DOK5: variants seen among roughly 807,000 people sequenced by gnomAD.
The protein encoded by DOK5 is docking protein 5.
A neutral mutation model predicts 43.3 loss-of-function variants in DOK5; 27 were observed. The ratio of observed to expected loss-of-function variants is 0.62; its 90% CI spans 0.46 to 0.86. The LOEUF (loss-of-function observed/expected upper bound fraction) is 0.86, where lower values mean the gene tolerates loss of function less well. Ranked by LOEUF, DOK5 falls within the 40% of genes least tolerant of loss-of-function variation. The pLI is 0.00. For missense variants in DOK5, 373 were observed against 392.9 expected (o/e 0.95, Z 0.43); for synonymous variants, 146 against 140.1 (o/e 1.04, Z -0.30).
At chr20:54,491,564 TATGAGCAGACC>T (rs1023644464) in intron 1 of DOK5, among the ~76,000 whole-genome samples, 3 of 152,158 alleles carry the variant, frequency 2.0e-5, no homozygotes, top group African/African-American at 4.8e-5. Flanking sequence ...GGCCATCTGC[TATGAGCAGACC>T]ATGTCACTGA....
intron 6 of DOK5, among the ~76,000 whole-genome samples, chr20:54,633,123 C>T (rs1272662106): frequency 1.3e-5 from 2 of 152,122 alleles, no homozygotes; most frequent in African/African-American, 4.8e-5. Flanking sequence ...GCCTGGGCTC[C>T]ACCCTTGGAA....
chr20:54,635,631 T>G (rs1325579878), intron 6 of DOK5, among the ~76,000 whole-genome samples: 1 of 152,228 alleles, frequency 6.6e-6, no homozygotes, highest in East Asian at 1.9e-4. Context: ...TCATCTTATA[T>G]GTATTGATTG....
chr20:54,498,634 T>C (rs1160546738), intron 1 of DOK5, among the ~76,000 whole-genome samples: 1 of 152,224 alleles, frequency 6.6e-6, no homozygotes, highest in African/African-American at 2.4e-5. Flanking sequence ...CAAGTGTTGG[T>C]GTTTGCTGTT....
rs528325125 is a variant in DOK5 at position 54,607,061 on chromosome 20, T to G, written c.600-3327T>G. Among the ~76,000 whole-genome samples, 6 of 152,372 alleles carry G rather than the reference T, an allele frequency of 3.9e-5. No individual in the cohort carries two copies. The South Asian group carries it at 1.2e-3, about 32-fold the overall frequency. The stretch of plus-strand genomic sequence containing the variant: ...ACTTCACATAAAAGTCAAGAAGTCT[T>G]GCTTCTCTTAAACATAATAGAATGC... On this transcript the variant is annotated intron_variant, in intron 5 of 7. Transcript: ENST00000262593.
intron 1 of DOK5, among the ~76,000 whole-genome samples, chr20:54,528,493 C>T (rs545382785): frequency 4.6e-5 from 7 of 151,694 alleles, no homozygotes; most frequent in Admixed American, 1.3e-4. Flanking sequence ...TGAAGCTCCA[C>T]GCATCATGTA....
chr20:54,537,831 C>CTTTTTTTTTT (rs927019328), intron 1 of DOK5, among the ~76,000 whole-genome samples: 1 of 89,536 alleles, frequency 1.1e-5, no homozygotes, highest in Non-Finnish European at 2.2e-5. Context: ...TGTACAAGTT[C>CTTTTTTTTTT]TTTTTTTTTT....
At chr20:54,485,671 T>A (rs898996969) in intron 1 of DOK5, among the ~76,000 whole-genome samples, 1 of 152,236 alleles carries the variant, frequency 6.6e-6, no homozygotes, top group Admixed American at 6.5e-5. Flanking sequence ...TCTAGGCAAA[T>A]GTCCAGGAGT....
chr20:54,594,851 C>T (rs1029434689), intron 5 of DOK5, among the ~76,000 whole-genome samples: 1 of 152,096 alleles, frequency 6.6e-6, no homozygotes, highest in Non-Finnish European at 1.5e-5. Flanking sequence ...CTGTACATAT[C>T]CTGCAAACGT....
chr20:54,545,696 T>C (rs1984318521), intron 1 of DOK5, among the ~76,000 whole-genome samples: 1 of 152,196 alleles, frequency 6.6e-6, no homozygotes. Flanking sequence ...GGAGAGATAA[T>C]ATGGAGTTCT....
At chr20:54,499,579 A>G (rs1188905738) in intron 1 of DOK5, among the ~76,000 whole-genome samples, 2 of 152,204 alleles carry the variant, frequency 1.3e-5, no homozygotes, top group Non-Finnish European at 2.9e-5. Flanking sequence ...ATAATAGTGG[A>G]ATTATTACTG....
At chr20:54,534,903 C>A (rs112674979) in intron 1 of DOK5, among the ~76,000 whole-genome samples, 2,471 of 151,650 alleles carry the variant, frequency 0.016, 63 homozygotes, top group African/African-American at 0.057. Flanking sequence ...GTGGCACGAT[C>A]TCGGCTCACT....
At chr20:54,507,605 C>T (rs149192520) in intron 1 of DOK5, among the ~76,000 whole-genome samples, 18 of 152,268 alleles carry the variant, frequency 1.2e-4, no homozygotes, top group African/African-American at 4.1e-4. Context: ...TCACATTGCA[C>T]AGTGCAGGTG....
At chr20:54,591,481 A>G (rs367770242) in intron 4 of DOK5, 135 bp from the exon 5 acceptor site, 3 of 595,376 alleles carry the variant, frequency 5.0e-6, no homozygotes, top group South Asian at 5.6e-5. Flanking sequence ...TTAATAGGAA[A>G]GGTTTATCTT....
At chr20:54,605,527 G>A (rs1471469157) in intron 5 of DOK5, among the ~76,000 whole-genome samples, 1 of 152,186 alleles carries the variant, frequency 6.6e-6, no homozygotes, top group Non-Finnish European at 1.5e-5. Context: ...TCACTTACCT[G>A]TGTCCCACCT....
intron 1 of DOK5, among the ~76,000 whole-genome samples, chr20:54,541,610 A>AT (rs1984160530): frequency 6.6e-6 from 1 of 151,748 alleles, no homozygotes; most frequent in East Asian, 1.9e-4. Flanking sequence ...TAATTTTTGC[A>AT]TTTTTAGTAG....
intron 6 of DOK5, among the ~76,000 whole-genome samples, chr20:54,620,862 C>G (rs536167500): frequency 1.6e-4 from 25 of 151,928 alleles, no homozygotes; most frequent in East Asian, 3.9e-4. Context: ...GGAAATGGCT[C>G]TGAAGAAGAT....
intron 1 of DOK5, among the ~76,000 whole-genome samples, chr20:54,546,823 A>T (rs1239501711): frequency 2.0e-5 from 3 of 152,210 alleles, no homozygotes; most frequent in Non-Finnish European, 4.4e-5. Context: ...GCTCTTCAGG[A>T]TGGCATCCAC....
At chr20:54,526,714 T>C (rs1983587765) in intron 1 of DOK5, among the ~76,000 whole-genome samples, 1 of 152,194 alleles carries the variant, frequency 6.6e-6, no homozygotes, top group Admixed American at 6.5e-5. Flanking sequence ...ACCTCCATTT[T>C]CCAATAATAG....
chr20:54,646,168 T>C (rs1979409997), intron 7 of DOK5, among the ~76,000 whole-genome samples: 1 of 151,850 alleles, frequency 6.6e-6, no homozygotes, highest in Non-Finnish European at 1.5e-5. Flanking sequence ...TACTCGATTT[T>C]ACTCTCTTCT....
Sources: gnomAD v4.1 joint callset for allele counts (sites outside exome capture counted in the v4.1 genomes callset) on GRCh38, gnomAD v4.1.1 for gene constraint, MANE v1.5 for transcripts, NCBI Gene and HGNC (gene_info 2026-07-23, HGNC 2026-07-21) for gene names.